The following NTNG1 variants were observed in gnomAD, a reference collection of about 807,000 sequenced individuals.
NTNG1 encodes the protein netrin-G1.
Under a neutral mutation model 54.0 loss-of-function variants are expected in NTNG1, and 16 were observed. That is an observed-to-expected ratio of 0.30 (90% CI 0.20 to 0.45). The LOEUF (loss-of-function observed/expected upper bound fraction) is 0.45. NTNG1 is among the 20% of genes least tolerant of loss of function. NTNG1 has a pLI of 1.00. For missense variants in NTNG1, 530 were observed against 678.7 expected (o/e 0.78, Z 2.43); for synonymous variants, 255 against 263.1 (o/e 0.97, Z 0.30).
At chr1:107,358,784 C>A (rs1307681272) in intron 3 of NTNG1, among the ~76,000 whole-genome samples, 1 of 152,100 alleles carries the variant, frequency 6.6e-6, no homozygotes, top group Non-Finnish European at 1.5e-5. Context: ...CATGCCATAA[C>A]ACCCTGCTGT....
intron 2 of NTNG1, among the ~76,000 whole-genome samples, chr1:107,230,219 T>C (rs957169374): frequency 2.0e-5 from 3 of 152,154 alleles, no homozygotes; most frequent in African/African-American, 7.2e-5. Flanking sequence ...GCTAAAGAAA[T>C]AGTGATATCA....
intron 2 of NTNG1, among the ~76,000 whole-genome samples, chr1:107,216,248 A>G (rs1187541249): frequency 6.6e-6 from 1 of 152,100 alleles, no homozygotes; most frequent in Non-Finnish European, 1.5e-5. Flanking sequence ...GATGTTTTCA[A>G]CTTTTCCCCA....
At chr1:107,237,599 G>A (rs970891412) in intron 2 of NTNG1, among the ~76,000 whole-genome samples, 2 of 152,118 alleles carry the variant, frequency 1.3e-5, no homozygotes, top group Non-Finnish European at 2.9e-5. Flanking sequence ...AAGTGGTTTT[G>A]TGGGCTGGGC....
chr1:107,449,949 A>G (rs17466589), intron 7 of NTNG1, among the ~76,000 whole-genome samples: 37,356 of 151,974 alleles, frequency 0.25, 4,701 homozygotes, highest in Middle Eastern at 0.32. Context: ...TCCTCATTGC[A>G]TACTTGTCTT....
chr1:107,477,907 A>C (rs1678432509), intron 7 of NTNG1, among the ~76,000 whole-genome samples: 1 of 152,244 alleles, frequency 6.6e-6, no homozygotes, highest in Non-Finnish European at 1.5e-5. Flanking sequence ...TGACATTAAT[A>C]TTAGATCATT....
At chr1:107,238,053 A>G (rs1281418822) in intron 2 of NTNG1, among the ~76,000 whole-genome samples, 1 of 152,168 alleles carries the variant, frequency 6.6e-6, no homozygotes, top group Non-Finnish European at 1.5e-5. Context: ...AAAGCTGCAG[A>G]CGCTCAACAC....
intron 7 of NTNG1, among the ~76,000 whole-genome samples, chr1:107,438,720 C>G (rs1272514066): frequency 6.6e-6 from 1 of 152,116 alleles, no homozygotes; most frequent in Non-Finnish European, 1.5e-5. Flanking sequence ...GAAAATAAGT[C>G]AATCCTGCTT....
At chr1:107,418,106 C>A (rs1289189559) in intron 5 of NTNG1, among the ~76,000 whole-genome samples, 1 of 151,996 alleles carries the variant, frequency 6.6e-6, no homozygotes, top group Admixed American at 6.6e-5. Flanking sequence ...ATATCCACTC[C>A]TTTTCAGAGA....
intron 2 of NTNG1, among the ~76,000 whole-genome samples, chr1:107,249,417 G>C (rs1418005065): frequency 6.6e-6 from 1 of 150,664 alleles, no homozygotes; most frequent in African/African-American, 2.4e-5. Flanking sequence ...GGGGTGCGGA[G>C]GTTGCTGTGA....
chr1:107,289,804 T>G (rs1176639840), intron 2 of NTNG1, among the ~76,000 whole-genome samples: 1 of 152,192 alleles, frequency 6.6e-6, no homozygotes, highest in Non-Finnish European at 1.5e-5. Context: ...CATTAATACA[T>G]TCCCTAGCAC....
chr1:107,247,397 GT>G (rs1038920459), intron 2 of NTNG1, among the ~76,000 whole-genome samples: 2 of 152,202 alleles, frequency 1.3e-5, no homozygotes, highest in African/African-American at 4.8e-5. Flanking sequence ...GATAGGCCAA[GT>G]TTCTCTACTA....
intron 2 of NTNG1, among the ~76,000 whole-genome samples, chr1:107,283,016 T>C (rs1310970177): frequency 1.3e-5 from 2 of 152,118 alleles, no homozygotes; most frequent in African/African-American, 4.8e-5. Context: ...CCATTCATGA[T>C]GGCTCCACCC....
chr1:107,480,569 T>TACCCCCC, intron 7 of NTNG1, 42 bp from the exon 8 acceptor site: 3 of 609,592 alleles, frequency 4.9e-6, no homozygotes, highest in African/African-American at 1.8e-5. Flanking sequence ...CTGCTTCTCC[T>TACCCCCC]CCCCGCGCCC....
chr1:107,149,859 T>C (rs894233125), intron 2 of NTNG1, among the ~76,000 whole-genome samples: 2 of 152,116 alleles, frequency 1.3e-5, no homozygotes, highest in East Asian at 3.8e-4. Flanking sequence ...CAGATTTTAA[T>C]AATAATCTTA....
Position 107,481,041 on chromosome 1 carries a change from CAGA to C in NTNG1, c.*202_*204del. ...AGTCAAGACTGTTAATTTCTGACTC[CAGA>C]GGAGTTGGCAGCTGTTGATATTATC... On this transcript the variant is annotated 3_prime_UTR_variant, in exon 8 of 8. Coordinates refer to ENST00000370068, the MANE Select transcript of NTNG1 (RefSeq NM_001113226.3). 1.9e-6 allele frequency: 1 copy of C among 522,686 alleles called. No individual in the cohort carries two copies. Among genetic ancestry groups the C allele is most frequent in the South Asian group, 3.2e-5 (1 of 31,324 alleles). 32.4% of individuals were successfully genotyped at this position (522,686 alleles called of 1,614,324 possible).
intron 7 of NTNG1, among the ~76,000 whole-genome samples, chr1:107,449,333 T>C (rs1317422069): frequency 6.6e-6 from 1 of 151,996 alleles, no homozygotes; most frequent in African/African-American, 2.4e-5. Flanking sequence ...TAAGTGTGAT[T>C]CTCTGGGGGT....
intron 3 of NTNG1, among the ~76,000 whole-genome samples, chr1:107,377,522 C>T (rs1208452453): frequency 6.6e-6 from 1 of 152,178 alleles, no homozygotes; most frequent in Admixed American, 6.5e-5. Context: ...TTAAGTCTGT[C>T]GAATCCACCA....
chr1:107,170,118 G>A (rs1169801057), intron 2 of NTNG1, among the ~76,000 whole-genome samples: 1 of 152,132 alleles, frequency 6.6e-6, no homozygotes, highest in Non-Finnish European at 1.5e-5. Context: ...CTGGATTAAT[G>A]TTTGGCAGAG....
intron 7 of NTNG1, among the ~76,000 whole-genome samples, chr1:107,472,182 C>G (rs1678023491): frequency 6.6e-6 from 1 of 152,096 alleles, no homozygotes; most frequent in Admixed American, 6.6e-5. Context: ...AAAACTATCC[C>G]TGTTCCATGG....
Sources: allele counts gnomAD v4.1 joint callset (sites outside exome capture counted in the v4.1 genomes callset), GRCh38; gene constraint gnomAD v4.1.1; transcripts MANE v1.5; gene names NCBI Gene and HGNC (gene_info 2026-07-23, HGNC 2026-07-21).